The following LYPD6 variants were observed in gnomAD, a reference collection of about 807,000 sequenced individuals.
LYPD6 encodes the protein ly6/PLAUR domain-containing protein 6.
Under a neutral mutation model 22.7 loss-of-function variants are expected in LYPD6, and 15 were observed. That is an observed-to-expected ratio of 0.66 (90% confidence interval 0.44 to 1.02). The LOEUF is 1.02. LYPD6 is among the 50% of genes least tolerant of loss of function. The pLI is 0.00. For synonymous variants in LYPD6, 72 were observed against 77.5 expected, an observed-to-expected ratio of 0.93 and a Z score of 0.37; for missense variants, 189 against 208.4, an observed-to-expected ratio of 0.91 and a Z score of 0.57.
the LYPD6 span, among the ~76,000 whole-genome samples, chr2:149,479,812 C>T: frequency 0.19 from 29,151 of 152,056 alleles, 4,463 homozygotes; most frequent in African/African-American, 0.41. Flanking sequence ...TAGAAGTAGA[C>T]TTTGAAATGC....
intron 1 of LYPD6, among the ~76,000 whole-genome samples, chr2:149,332,890 T>A (rs1680964565): frequency 1.3e-5 from 2 of 152,344 alleles, no homozygotes; most frequent in Non-Finnish European, 1.5e-5. Context: ...AGATACGTTA[T>A]TTTTGCTAAT....
chr2:149,386,874 A>G (rs1338966638), intron 1 of LYPD6, among the ~76,000 whole-genome samples: 1 of 152,230 alleles, frequency 6.6e-6, no homozygotes, highest in African/African-American at 2.4e-5. Context: ...GAACATGGAA[A>G]GAGTTTTATC....
At chr2:149,457,016 C>A (rs946532495) in intron 3 of LYPD6, among the ~76,000 whole-genome samples, 3 of 152,204 alleles carry the variant, frequency 2.0e-5, no homozygotes, top group Admixed American at 1.3e-4. Context: ...TTTATTCATT[C>A]TGTCGCTAAT....
Position 149,444,558 on chromosome 2 carries a change from T to C in LYPD6, c.119-4491T>C, listed in dbSNP as rs11891103. Among the ~76,000 whole-genome samples the C allele has an allele frequency of 4.5e-3, 683 of 152,350 alleles. 6 individuals are homozygous for C. The highest frequency in any genetic ancestry group is 0.016 in the African/African-American group (660 of 41,592). ...AATCTTCTCAAAACCCTGCCACTGC[T>C]TTATCAACAGTTCTATGATGTTCTA... is the stretch of plus-strand genomic sequence containing the variant. On this transcript the variant is annotated intron_variant, in intron 2 of 4. Coordinates refer to ENST00000334166, the MANE Select transcript of LYPD6 (RefSeq NM_194317.5).
At chr2:149,475,158 G>A (rs1006478489), downstream of LYPD6, among the ~76,000 whole-genome samples, 1 of 152,140 alleles carries the variant, frequency 6.6e-6, no homozygotes, top group Non-Finnish European at 1.5e-5. Context: ...GTGGTGCCTT[G>A]GCGGTGTTAC....
chr2:149,350,148 A>T (rs1306624416), intron 1 of LYPD6, among the ~76,000 whole-genome samples: 1 of 152,230 alleles, frequency 6.6e-6, no homozygotes, highest in African/African-American at 2.4e-5. Flanking sequence ...ATAAAAGAAT[A>T]CAAAGGATGC....
In LYPD6 at chr2:149,449,066, G is replaced by A. The variant is rs1369568917; in HGVS notation, c.136G>A (p.Gly46Arg). 6.2e-7 allele frequency: 1 copy of A among 1,612,984 alleles called. No homozygotes were observed. The highest frequency in any genetic ancestry group is 2.2e-5 in the East Asian group (1 of 44,812). Reference protein sequence around the residue: ...LHPSTTPYPGGFKCFTCEKAA... With the variant: ...LHPSTTPYPGRFKCFTCEKAA... ...TTTTTTAGCCACACCATATCCTGGT[G>A]GATTTAAATGTTTCACCTGTGAAAA... The change falls in exon 3 of 5, where the codon GGA becomes AGA. Residue 46 changes from glycine to arginine, a missense_variant. Gly to Arg is a moderately radical substitution (Grantham distance 125). Coordinates refer to ENST00000334166, the MANE Select transcript of LYPD6 (RefSeq NM_194317.5).
intron 2 of LYPD6, among the ~76,000 whole-genome samples, chr2:149,441,180 C>A (rs1410600165): frequency 6.6e-6 from 1 of 151,966 alleles, no homozygotes; most frequent in Non-Finnish European, 1.5e-5. Context: ...TGAACATAGA[C>A]CGTAAAAAAT....
rs919164750 is a variant in LYPD6, at chr2:149,409,167, GT to G, written c.-71-28465del. Among the ~76,000 whole-genome samples, 5 of 152,270 alleles carry G rather than the reference GT, an allele frequency of 3.3e-5. No homozygotes were observed. In the East Asian group the frequency reaches 5.8e-4, roughly 18 times the overall value. ...TCCTGAGAGCTAAACTGTAGTAAAT[GT>G]TTTTTCTCTTCTTGGTCTAGCCACC... is the stretch of plus-strand genomic sequence containing the variant. On this transcript the variant is annotated intron_variant, in intron 1 of 4. Coordinates refer to ENST00000334166, the MANE Select transcript of LYPD6 (RefSeq NM_194317.5).
chr2:149,383,858 A>G (rs1682123025), intron 1 of LYPD6, among the ~76,000 whole-genome samples: 1 of 152,208 alleles, frequency 6.6e-6, no homozygotes, highest in Admixed American at 6.5e-5. Flanking sequence ...TTCTTCACCT[A>G]TAAAACACAT....
intron 1 of LYPD6, among the ~76,000 whole-genome samples, chr2:149,381,081 TGTG>T (rs1314072063): frequency 6.6e-6 from 1 of 151,886 alleles, no homozygotes; most frequent in Non-Finnish European, 1.5e-5. Flanking sequence ...GTTTGGGTGG[TGTG>T]GTGGGGCAGA....
At chr2:149,474,901 T>A (rs1331730962), downstream of LYPD6, among the ~76,000 whole-genome samples, 1 of 152,178 alleles carries the variant, frequency 6.6e-6, no homozygotes, top group Non-Finnish European at 1.5e-5. Context: ...CCCAGGTAGC[T>A]GGGATTACAG....
intron 1 of LYPD6, among the ~76,000 whole-genome samples, chr2:149,424,008 G>A (rs1014993001): frequency 1.3e-5 from 2 of 152,100 alleles, no homozygotes; most frequent in African/African-American, 4.8e-5. Flanking sequence ...TCAAAGACTT[G>A]AAGATTTCCC....
intron 1 of LYPD6, among the ~76,000 whole-genome samples, chr2:149,353,085 A>G (rs1004689895): frequency 1.3e-5 from 2 of 152,208 alleles, no homozygotes; most frequent in Non-Finnish European, 2.9e-5. Flanking sequence ...TTGCAGGCCA[A>G]TGTAGTCATC....
At chr2:149,402,405 C>T (rs1682579875) in intron 1 of LYPD6, among the ~76,000 whole-genome samples, 1 of 152,162 alleles carries the variant, frequency 6.6e-6, no homozygotes, top group Non-Finnish European at 1.5e-5. Context: ...AGATACCTAG[C>T]AGTGGGATTG....
rs1681028000 is a variant in LYPD6, at chr2:149,336,014, A to G, written c.-72+5292A>G. Among the ~76,000 whole-genome samples, 10 of 152,310 alleles carry G rather than the reference A, an allele frequency of 6.6e-5. No individual in the cohort carries two copies. In the South Asian group the frequency reaches 2.1e-3, roughly 32 times the overall value. On this transcript the variant is annotated intron_variant, in intron 1 of 4. Coordinates refer to ENST00000334166, the MANE Select transcript of LYPD6 (RefSeq NM_194317.5). ...CCATTGTTCAGTGATACATGACTAT[A>G]TGTTTGTTGCCAAGTGTTGCAGGAA...
intron 1 of LYPD6, among the ~76,000 whole-genome samples, chr2:149,413,336 A>G (rs947574947): frequency 6.6e-6 from 1 of 152,202 alleles, no homozygotes; most frequent in African/African-American, 2.4e-5. Flanking sequence ...TTACTGCAAC[A>G]TGATACAGAA....
chr2:149,354,253 G>A (rs1681410271), intron 1 of LYPD6, among the ~76,000 whole-genome samples: 1 of 152,100 alleles, frequency 6.6e-6, no homozygotes, highest in Admixed American at 6.5e-5. Context: ...TGTGACCCAG[G>A]CTGGAGTGCA....
intron 1 of LYPD6, among the ~76,000 whole-genome samples, chr2:149,387,199 A>G (rs1388972360): frequency 6.6e-6 from 1 of 152,240 alleles, no homozygotes; most frequent in East Asian, 1.9e-4. Context: ...CAATGTGAAC[A>G]TCTGAACAAA....
Sources: allele counts gnomAD v4.1 joint callset (sites outside exome capture counted in the v4.1 genomes callset), GRCh38; gene constraint gnomAD v4.1.1; transcripts MANE v1.5; gene names NCBI Gene and HGNC (gene_info 2026-07-23, HGNC 2026-07-21).